The following HMG20A variants were observed in gnomAD, a reference collection of about 807,000 sequenced individuals.
HMG20A encodes high mobility group protein 20A.
A neutral mutation model predicts 43.9 loss-of-function variants in HMG20A; 17 were observed. That is an observed-to-expected ratio of 0.39 (90% CI 0.27 to 0.58). HMG20A has a LOEUF of 0.58. Among genes scored for constraint, HMG20A ranks in the 20% least tolerant of loss-of-function variants. HMG20A has a pLI of 0.59. For synonymous variants in HMG20A, 132 were observed against 147.5 expected, an observed-to-expected ratio of 0.89 and a Z score of 0.76; for missense variants, 341 against 438.2, an observed-to-expected ratio of 0.78 and a Z score of 1.98.
chr15:77,511,254 GAAAT>G, the HMG20A span, among the ~76,000 whole-genome samples: 1 of 152,124 alleles, frequency 6.6e-6, no homozygotes, highest in East Asian at 1.9e-4. Flanking sequence ...TATGGATCTA[GAAAT>G]AAATATAAAT....
chr15:77,468,679 T>C (rs756367687), intron 4 of HMG20A, among the ~76,000 whole-genome samples: 6 of 152,052 alleles, frequency 3.9e-5, no homozygotes, highest in Non-Finnish European at 8.8e-5. Flanking sequence ...CATGTGAGGA[T>C]AAATTATATA....
the HMG20A span, among the ~76,000 whole-genome samples, chr15:77,497,655 T>TAGAG: frequency 0.18 from 22,729 of 126,884 alleles, 2,414 homozygotes; most frequent in Middle Eastern, 0.23. Context: ...GAGATATTAA[T>TAGAG]AGAGAGAGAG....
intron 3 of HMG20A, among the ~76,000 whole-genome samples, chr15:77,465,320 CCTATT>C (rs201362967): frequency 0.021 from 3,021 of 146,482 alleles, 93 homozygotes; most frequent in African/African-American, 0.066. Context: ...TTTTATCTAT[CCTATT>C]GGCATTTTTA....
At chr15:77,471,661 A>G (rs2072809546) in intron 5 of HMG20A, 122 bp from the exon 6 acceptor site, 2 of 675,984 alleles carry the variant, frequency 3.0e-6, no homozygotes, top group African/African-American at 3.8e-5. Flanking sequence ...AAGGAAAAAT[A>G]TCATATGTTA....
At chr15:77,431,537 A>G (rs1408760414) in intron 1 of HMG20A, among the ~76,000 whole-genome samples, 1 of 152,030 alleles carries the variant, frequency 6.6e-6, no homozygotes, top group Non-Finnish European at 1.5e-5. Flanking sequence ...TTTAATTGAC[A>G]AAAATTATAT....
intron 5 of HMG20A, 133 bp downstream of exon 5, chr15:77,471,175 G>A (rs2072805018): frequency 1.2e-6 from 1 of 821,738 alleles, no homozygotes; most frequent in East Asian, 3.0e-5. Flanking sequence ...TCACTTACAA[G>A]CATTATCTTG....
At chr15:77,458,285 G>T (rs572845840) in intron 1 of HMG20A, 119 bp from the exon 2 acceptor site, 4 of 627,174 alleles carry the variant, frequency 6.4e-6, no homozygotes, top group Non-Finnish European at 1.1e-5. Context: ...AAATATTTAG[G>T]TCAGTTTTTA....
chr15:77,479,089 C>A, intron 8 of HMG20A, 90 bp from the exon 9 acceptor site: 1 of 1,258,890 alleles, frequency 7.9e-7, no homozygotes, highest in Non-Finnish European at 1.2e-6. Flanking sequence ...GTGGAGCAGA[C>A]CACATTAGAA....
intron 3 of HMG20A, among the ~76,000 whole-genome samples, chr15:77,465,371 C>T (rs2072747278): frequency 6.7e-6 from 1 of 148,334 alleles, no homozygotes; most frequent in Admixed American, 6.7e-5. Flanking sequence ...TCTTAAATAC[C>T]TTGAAATTAA....
chr15:77,439,125 T>A (rs994116143), intron 1 of HMG20A, among the ~76,000 whole-genome samples: 1 of 152,202 alleles, frequency 6.6e-6, no homozygotes, highest in Non-Finnish European at 1.5e-5. Context: ...AGAATAACTT[T>A]ACAATTGTCA....
At chr15:77,504,626 C>T in the HMG20A span, among the ~76,000 whole-genome samples, 2 of 152,194 alleles carry the variant, frequency 1.3e-5, no homozygotes, top group African/African-American at 4.8e-5. Context: ...ATGCAAATAC[C>T]AGCAGTCCTG....
At chr15:77,518,370 C>A in the HMG20A span, among the ~76,000 whole-genome samples, 2 of 152,172 alleles carry the variant, frequency 1.3e-5, no homozygotes, top group Non-Finnish European at 2.9e-5. Context: ...CCCAGCCTTT[C>A]AGCCAAGTTT....
chr15:77,438,795 GTTTC>G (rs2073577959), intron 1 of HMG20A, among the ~76,000 whole-genome samples: 1 of 151,838 alleles, frequency 6.6e-6, no homozygotes, highest in Non-Finnish European at 1.5e-5. Flanking sequence ...ATGTTTTCAA[GTTTC>G]TTTTTTTTTT....
At chr15:77,429,770 C>T (rs996861651) in intron 1 of HMG20A, among the ~76,000 whole-genome samples, 1 of 152,150 alleles carries the variant, frequency 6.6e-6, no homozygotes, top group Non-Finnish European at 1.5e-5. Context: ...GTAAGACATT[C>T]ATTTTTCACA....
chr15:77,470,902 T>A lies in HMG20A; in HGVS notation c.451-8T>A. On this transcript the variant is annotated splice_region_variant and splice_polypyrimidine_tract_variant and intron_variant, in intron 4 of 9. Transcript: ENST00000336216. ...TTTCTTGAAAATAATTCTGTATTTCTTTCCTAGCGCTACCTTGATGAAGCA... is the reference window on the plus strand; with the variant it reads ...TTTCTTGAAAATAATTCTGTATTTCATTCCTAGCGCTACCTTGATGAAGCA... The A allele has an allele frequency of 6.4e-7, 1 of 1,557,718 alleles. No individual in the cohort carries two copies. Among genetic ancestry groups the A allele is most frequent in the African/African-American group, 1.4e-5 (1 of 71,312 alleles).
chr15:77,482,401 T>C (rs2072912646), intron 9 of HMG20A: 2 of 152,246 alleles, frequency 1.3e-5, no homozygotes, highest in South Asian at 4.2e-4. Flanking sequence ...ATGAGGGTGA[T>C]TTTAAGTTGA....
chr15:77,494,755 C>T, the HMG20A span, among the ~76,000 whole-genome samples: 4 of 152,128 alleles, frequency 2.6e-5, no homozygotes, highest in African/African-American at 9.7e-5. Flanking sequence ...AGCAACAAAA[C>T]ATGCTAACAA....
chr15:77,448,469 A>G (rs1219225806), intron 1 of HMG20A, among the ~76,000 whole-genome samples: 1 of 152,148 alleles, frequency 6.6e-6, no homozygotes, highest in Non-Finnish European at 1.5e-5. Context: ...CCTAAAGATT[A>G]CCTCAGTGAA....
chr15:77,512,700 T>C, the HMG20A span, among the ~76,000 whole-genome samples: 4 of 152,146 alleles, frequency 2.6e-5, no homozygotes, highest in Non-Finnish European at 2.9e-5. Flanking sequence ...CATTAATGGA[T>C]ACTAAACCTA....
Sources: gnomAD v4.1 joint callset for allele counts (sites outside exome capture counted in the v4.1 genomes callset) on GRCh38, gnomAD v4.1.1 for gene constraint, MANE v1.5 for transcripts, NCBI Gene and HGNC (gene_info 2026-07-23, HGNC 2026-07-21) for gene names.